Variants in SLC14A2 observed in about 807,000 individuals in gnomAD.
SLC14A2 encodes urea transporter 2.
In SLC14A2, 91 loss-of-function variants were observed where a neutral mutation model predicts 104.6. That is an observed-to-expected ratio of 0.87 (90% CI 0.73 to 1.04). The LOEUF (loss-of-function observed/expected upper bound fraction) is 1.04, where lower values mean the gene tolerates loss of function less well. Ranked by LOEUF, SLC14A2 falls within the 50% of genes least tolerant of loss-of-function variation. The probability of loss-of-function intolerance (pLI) is 0.00; values close to 1 mark genes in which losing one functional copy is unlikely to be tolerated. For missense variants in SLC14A2, 1,189 were observed against 1,156.0 expected (o/e 1.03, Z -0.41); for synonymous variants, 476 against 466.4 (o/e 1.02, Z -0.27).
intron 1 of SLC14A2, among the ~76,000 whole-genome samples, chr18:45,218,396 G>T (rs1240188994): frequency 6.6e-6 from 1 of 152,140 alleles, no homozygotes; most frequent in East Asian, 1.9e-4. Context: ...GCCACATTTT[G>T]TTTCTCTCTC....
intron 1 of SLC14A2, among the ~76,000 whole-genome samples, chr18:45,616,928 T>A (rs1473953641): frequency 6.6e-6 from 1 of 151,928 alleles, no homozygotes; most frequent in East Asian, 1.9e-4. Flanking sequence ...TGAAACCCCG[T>A]CTCTACTAAA....
chr18:45,651,780 C>G (rs1208860003), intron 10 of SLC14A2, among the ~76,000 whole-genome samples: 1 of 152,148 alleles, frequency 6.6e-6, no homozygotes, highest in Admixed American at 6.5e-5. Context: ...ACATGAAGAC[C>G]ATGTGTACCA....
intron 1 of SLC14A2, among the ~76,000 whole-genome samples, chr18:45,344,240 G>A (rs900670389): frequency 6.6e-6 from 1 of 151,966 alleles, no homozygotes; most frequent in Non-Finnish European, 1.5e-5. Flanking sequence ...GAGTTTGAAC[G>A]CCAGTCCTCC....
intron 1 of SLC14A2, among the ~76,000 whole-genome samples, chr18:45,298,808 T>C (rs1255103490): frequency 6.6e-6 from 1 of 151,948 alleles, no homozygotes; most frequent in African/African-American, 2.4e-5. Context: ...ATGGGAGGAG[T>C]GGGGGACCTT....
intron 2 of SLC14A2, among the ~76,000 whole-genome samples, chr18:45,564,002 T>C (rs1370355729): frequency 6.6e-6 from 1 of 152,218 alleles, no homozygotes; most frequent in Non-Finnish European, 1.5e-5. Context: ...CTAACCAGAT[T>C]GTCATCGATG....
intron 1 of SLC14A2, among the ~76,000 whole-genome samples, chr18:45,416,326 T>C (rs2086277208): frequency 6.7e-6 from 1 of 149,228 alleles, no homozygotes; most frequent in Non-Finnish European, 1.5e-5. Flanking sequence ...CAGGTTGCCA[T>C]AGCAACCACT....
At chr18:45,609,140 T>TCTGTCTCC (rs900092296) in intron 2 of SLC14A2, among the ~76,000 whole-genome samples, 1 of 152,114 alleles carries the variant, frequency 6.6e-6, no homozygotes, top group Non-Finnish European at 1.5e-5. Flanking sequence ...GGAGCATCCA[T>TCTGTCTCC]CTGTCTCCCT....
rs1172271684 is a variant in SLC14A2, at chr18:45,593,486, C to CTTTTTTTTTTTTTTTTTT, written c.-34-31141_-34-31124dup. Among the ~76,000 whole-genome samples, 2 of 88,788 alleles carry CTTTTTTTTTTTTTTTTTT rather than the reference C, an allele frequency of 2.3e-5. 1 individual carries two copies. The highest frequency in any genetic ancestry group is 9.4e-5 in the African/African-American group (2 of 21,376). 58.2% of individuals were successfully genotyped at this position (88,788 alleles called of 152,430 possible). A position where few individuals can be genotyped will look rare whatever the true frequency, so the allele number is the denominator to read the frequency against. ...TATGATAACTAAGCATTTCCTTAAT[C>CTTTTTTTTTTTTTTTTTT]TTTTTTTTTTTTTTTTTTTTTGAGA... On this transcript the variant is annotated intron_variant, in intron 2 of 20. Coordinates refer to the SLC14A2 transcript ENST00000586448.
chr18:45,334,516 A>G (rs1034672947), intron 1 of SLC14A2, among the ~76,000 whole-genome samples: 1 of 152,210 alleles, frequency 6.6e-6, no homozygotes, highest in Non-Finnish European at 1.5e-5. Context: ...GTTCTTAAGC[A>G]CTTTTGTCAC....
intron 1 of SLC14A2, among the ~76,000 whole-genome samples, chr18:45,252,491 A>G (rs554949865): frequency 4.6e-5 from 7 of 152,390 alleles, no homozygotes; most frequent in Admixed American, 2.0e-4. Flanking sequence ...GATATAATCC[A>G]GAACATAAAC....
upstream of SLC14A2, among the ~76,000 whole-genome samples, chr18:45,209,341 TCAAAA>T (rs1381412317): frequency 4.0e-5 from 6 of 151,838 alleles, no homozygotes; most frequent in Admixed American, 1.3e-4. Context: ...AGACTCCGTC[TCAAAA>T]CAAAACAACA....
chr18:45,230,068 T>G (rs865991204), intron 1 of SLC14A2, among the ~76,000 whole-genome samples: 74 of 152,328 alleles, frequency 4.9e-4, no homozygotes, highest in African/African-American at 1.6e-3. Flanking sequence ...GTAAACACTA[T>G]TTGAGGGTTA....
intron 1 of SLC14A2, among the ~76,000 whole-genome samples, chr18:45,347,257 G>A (rs911396896): frequency 3.9e-5 from 6 of 152,124 alleles, no homozygotes; most frequent in African/African-American, 1.4e-4. Context: ...TTGGGAGGCT[G>A]AGGTGAAAGG....
intron 18 of SLC14A2, among the ~76,000 whole-genome samples, chr18:45,674,842 G>T (rs1264879501): frequency 6.6e-6 from 1 of 152,186 alleles, no homozygotes; most frequent in Non-Finnish European, 1.5e-5. Context: ...TACTCTCAGG[G>T]CCAAGCAGGT....
chr18:45,169,458 T>C, the SLC14A2 span, among the ~76,000 whole-genome samples: 1 of 152,190 alleles, frequency 6.6e-6, no homozygotes, highest in Non-Finnish European at 1.5e-5. Flanking sequence ...TCTTGCCTCC[T>C]GCCAACTCAT....
chr18:45,298,642 C>T (rs566466994), intron 1 of SLC14A2, among the ~76,000 whole-genome samples: 1 of 152,148 alleles, frequency 6.6e-6, no homozygotes, highest in Non-Finnish European at 1.5e-5. Context: ...GGTTAGCACA[C>T]ATCAGAATGT....
intron 2 of SLC14A2, among the ~76,000 whole-genome samples, chr18:45,547,010 C>T (rs1301015358): frequency 2.0e-5 from 3 of 152,036 alleles, no homozygotes; most frequent in African/African-American, 7.2e-5. Context: ...CTATGGTCCC[C>T]GGACCCTCTT....
chr18:45,260,527 C>T (rs541609157), intron 1 of SLC14A2, among the ~76,000 whole-genome samples: 1 of 152,242 alleles, frequency 6.6e-6, no homozygotes, highest in Non-Finnish European at 1.5e-5. Context: ...CATTGCAGCA[C>T]TATTCACAAT....
intron 2 of SLC14A2, among the ~76,000 whole-genome samples, chr18:45,498,598 C>A (rs1301948207): frequency 6.6e-6 from 1 of 152,208 alleles, no homozygotes; most frequent in Non-Finnish European, 1.5e-5. Flanking sequence ...CACTCCTGTT[C>A]CTGGAGACTG....
Sources: allele counts gnomAD v4.1 joint callset (sites outside exome capture counted in the v4.1 genomes callset), GRCh38; gene constraint gnomAD v4.1.1; transcripts MANE v1.5; gene names NCBI Gene and HGNC (gene_info 2026-07-23, HGNC 2026-07-21).